The following MTOR variants were observed in gnomAD, a reference collection of about 807,000 sequenced individuals.
MTOR encodes the protein mechanistic target of rapamycin kinase.
In MTOR, 70 loss-of-function variants were observed where a neutral mutation model predicts 319.8. That is an observed-to-expected ratio of 0.22 (90% CI 0.18 to 0.27). MTOR has a LOEUF of 0.27. MTOR is among the 10% of genes least tolerant of loss of function. The pLI, the probability that MTOR is intolerant of heterozygous loss-of-function variation, is 1.00. For missense variants in MTOR, 1,890 were observed against 3,274.4 expected, an observed-to-expected ratio of 0.58 and a Z score of 10.32; for synonymous variants, 1,183 against 1,211.4, an observed-to-expected ratio of 0.98 and a Z score of 0.49.
intron 31 of MTOR, among the ~76,000 whole-genome samples, chr1:11,147,023 C>T (rs1486840044): frequency 6.6e-6 from 1 of 152,142 alleles, no homozygotes; most frequent in Non-Finnish European, 1.5e-5. Context: ...CCATGGCTGC[C>T]CAGGGAGCAT....
At chr1:11,233,310 TAAA>T in intron 15 of MTOR, 85 bp downstream of exon 15, 1 of 1,024,558 alleles carries the variant, frequency 9.8e-7, no homozygotes, top group South Asian at 1.7e-5. Context: ...ACCTTTCATT[TAAA>T]AAAAAAAATA....
intron 53 of MTOR, 74 bp downstream of exon 53, chr1:11,114,244 C>T: frequency 6.3e-7 from 1 of 1,582,400 alleles, no homozygotes; most frequent in Non-Finnish European, 8.6e-7. Context: ...ACTCCTCTGC[C>T]TTGGCCTCCC....
chr1:11,144,926 T>C (rs1643882992), intron 33 of MTOR, 42 bp downstream of exon 33: 1 of 1,603,778 alleles, frequency 6.2e-7, no homozygotes, highest in South Asian at 1.1e-5. Flanking sequence ...AGTATGGAAA[T>C]AAGCCTCAAA....
At position 11,213,574 on chromosome 1, in the gene MTOR, G is replaced by C. The variant is rs2100797822; in HGVS notation, c.3118-8C>G. The C allele has an allele frequency of 1.2e-6, 2 of 1,612,762 alleles. No individual in the cohort carries two copies. The highest frequency in any genetic ancestry group is 1.7e-6 in the Non-Finnish European group (2 of 1,179,410). ...GTTCATGACCCAGAATTCCTACAAA[G>C]AGAGAAAAGTCAGAGGAGCTGAGTC... On this transcript the variant is annotated splice_region_variant and splice_polypyrimidine_tract_variant and intron_variant, in intron 20 of 57. Coordinates refer to ENST00000361445, the MANE Select transcript of MTOR (RefSeq NM_004958.4).
At chr1:11,241,733 T>A (rs751506991) in intron 9 of MTOR, 52 bp from the exon 10 acceptor site, 1 of 1,575,998 alleles carries the variant, frequency 6.3e-7, no homozygotes, top group East Asian at 2.3e-5. Flanking sequence ...TTCTTTAATG[T>A]CCCACCTCAA....
At chr1:11,114,272 G>T in intron 53 of MTOR, 46 bp downstream of exon 53, 1 of 1,607,216 alleles carries the variant, frequency 6.2e-7, no homozygotes, top group Non-Finnish European at 8.5e-7. Context: ...TAGGATTACA[G>T]GTGTGAGCCA....
intron 19 of MTOR, among the ~76,000 whole-genome samples, chr1:11,220,302 A>G (rs938682378): frequency 1.3e-5 from 2 of 152,168 alleles, no homozygotes; most frequent in African/African-American, 4.8e-5. Flanking sequence ...TCTCAACGGC[A>G]ACAAAAAGAA....
intron 28 of MTOR, among the ~76,000 whole-genome samples, chr1:11,191,528 A>G (rs1282030845): frequency 1.3e-5 from 2 of 152,146 alleles, no homozygotes; most frequent in Non-Finnish European, 2.9e-5. Flanking sequence ...TAAGGGCCGC[A>G]GTCTCTGAAT....
At chr1:11,243,992 GCA>G (rs1437319453) in intron 8 of MTOR, among the ~76,000 whole-genome samples, 1 of 151,914 alleles carries the variant, frequency 6.6e-6, no homozygotes, top group Non-Finnish European at 1.5e-5. Context: ...TCCAGCCTGG[GCA>G]ACAGAATAAG....
At chr1:11,256,474 C>A (rs1650417445) in intron 4 of MTOR, among the ~76,000 whole-genome samples, 1 of 152,246 alleles carries the variant, frequency 6.6e-6, no homozygotes, top group Admixed American at 6.5e-5. Context: ...ACTATACTAA[C>A]AGCCTAGAAC....
chr1:11,118,228 ATTTTTTTTTTTTTTTT>A (rs771785403), intron 49 of MTOR, among the ~76,000 whole-genome samples: 4 of 120,752 alleles, frequency 3.3e-5, no homozygotes, highest in East Asian at 4.4e-4. Context: ...AACTTAGTTA[ATTTTTTTTTTTTTTTT>A]TTTTTTTTTT....
chr1:11,250,294 A>G (rs374470652), intron 6 of MTOR, among the ~76,000 whole-genome samples: 39 of 81,402 alleles, frequency 4.8e-4, no homozygotes, highest in African/African-American at 6.1e-4. Context: ...CCTCCCTCCC[A>G]GATGGGGCGG....
intron 30 of MTOR, among the ~76,000 whole-genome samples, chr1:11,152,605 T>C (rs755273401): frequency 9.9e-5 from 15 of 151,804 alleles, no homozygotes; most frequent in Admixed American, 2.0e-4. Flanking sequence ...GCCTGCACCA[T>C]AGGGCTGGGC....
At chr1:11,130,507 A>G (rs1358491483) in intron 39 of MTOR, 22 bp downstream of exon 39, 13 of 1,603,468 alleles carry the variant, frequency 8.1e-6, no homozygotes, top group South Asian at 3.3e-5. Context: ...TTGGTTGTTA[A>G]TAAGGAAGAA....
chr1:11,213,270 T>A, intron 21 of MTOR, 129 bp downstream of exon 21: 1 of 927,916 alleles, frequency 1.1e-6, no homozygotes, highest in Non-Finnish European at 1.6e-6. Context: ...GTATTAGTAT[T>A]CTTGGGATTC....
Position 11,129,606 on chromosome 1 carries a change from G to GA in MTOR, c.5714+131dup. The GA allele has an allele frequency of 2.6e-6, 2 of 761,978 alleles. No homozygotes were observed. The highest frequency in any genetic ancestry group is 4.4e-6 in the Non-Finnish European group (2 of 456,302). The allele number at this position is 761,978 out of a possible 1,614,324, so 47.2% of individuals were successfully genotyped here. On this transcript the variant is annotated intron_variant, in intron 40 of 57. Coordinates refer to ENST00000361445, the MANE Select transcript of MTOR (RefSeq NM_004958.4). The surrounding 1 kb of genome is among the most constrained non-coding windows in gnomAD (Gnocchi z 4.7). ...GCTGTTACTCCTTAAATGCAGTGCA[G>GA]AAAAAAGGCACATACATCGATCTTG...
In MTOR at chr1:11,211,815, T is replaced by G. The variant is rs561111761; in HGVS notation, c.3561+497A>C. ...CACCTTAACTACAAGCACTTCCCCA[T>G]TGCTTGCTCCTCTGAAGTCACACTG... On this transcript the variant is annotated intron_variant, in intron 23 of 57. Coordinates refer to ENST00000361445, the MANE Select transcript of MTOR (RefSeq NM_004958.4). Among the ~76,000 whole-genome samples the G allele has an allele frequency of 9.8e-4, 149 of 152,300 alleles. 1 individual carries two copies. The highest frequency in any genetic ancestry group is 5.2e-3 in the South Asian group (25 of 4,822).
chr1:11,213,738 T>A (rs1163982585), intron 20 of MTOR, among the ~76,000 whole-genome samples, 172 bp from the exon 21 acceptor site: 1 of 152,302 alleles, frequency 6.6e-6, no homozygotes, highest in Middle Eastern at 3.4e-3. Flanking sequence ...ATGTTGCAGC[T>A]ACACTGGACA....
chr1:11,216,397 G>A (rs1646471498), intron 19 of MTOR, among the ~76,000 whole-genome samples, 163 bp from the exon 20 acceptor site: 1 of 152,122 alleles, frequency 6.6e-6, no homozygotes, highest in African/African-American at 2.4e-5. Flanking sequence ...GCTAGGTTTG[G>A]AGGCTCAGTG....
Sources: gnomAD v4.1 joint callset for allele counts (sites outside exome capture counted in the v4.1 genomes callset) on GRCh38, gnomAD v4.1.1 for gene constraint, Gnocchi (gnomAD v3.1) non-coding constraint, MANE v1.5 for transcripts, NCBI Gene and HGNC (gene_info 2026-07-23, HGNC 2026-07-21) for gene names.